BMP6: variants seen among roughly 807,000 people sequenced by gnomAD.
BMP6 encodes the protein VG-1-R.
In BMP6, 17 loss-of-function variants were observed where a neutral mutation model predicts 54.1. The ratio of observed to expected loss-of-function variants is 0.31; its 90% CI spans 0.22 to 0.47. The LOEUF (loss-of-function observed/expected upper bound fraction) is 0.47, where lower values mean the gene tolerates loss of function less well. BMP6 is among the 20% of genes least tolerant of loss of function. The pLI is 1.00. For synonymous variants in BMP6, 328 were observed against 291.2 expected (o/e 1.13, Z -1.28); for missense variants, 720 against 690.4 (o/e 1.04, Z -0.48).
intron 1 of BMP6, among the ~76,000 whole-genome samples, chr6:7,803,927 A>G (rs1170556568): frequency 6.6e-6 from 1 of 152,196 alleles, no homozygotes; most frequent in Non-Finnish European, 1.5e-5. Context: ...AGTAATCAAT[A>G]TAATTGCATT....
Position 7,727,096 on chromosome 6 carries a change from CG to C in BMP6, c.144del (p.Ser49AlafsTer81). On this transcript the variant is annotated frameshift_variant, in exon 1 of 7. Transcript: ENST00000283147. LOFTEE classifies it high-confidence loss of function. Reference protein sequence around the residue: ...AAGGQLLGDGGSPGRTEQPPP... With the variant: ...AAGGQLLGDGXSPGRTEQPPP... ...CCGGGGGGCAGCTGCTGGGGGACGG[CG>C]GGAGCCCCGGCCGCACGGAGCAGCC... 2 of 1,363,578 alleles carry C rather than the reference CG, an allele frequency of 1.5e-6. No homozygotes were observed. The highest frequency in any genetic ancestry group is 1.9e-6 in the Non-Finnish European group (2 of 1,055,492). The allele number at this position is 1,363,578 out of a possible 1,614,324, so 84.5% of individuals were successfully genotyped here.
intron 1 of BMP6, among the ~76,000 whole-genome samples, chr6:7,826,422 A>C (rs908154367): frequency 7.2e-5 from 11 of 152,210 alleles, no homozygotes; most frequent in Non-Finnish European, 1.5e-4. Context: ...GGCCTGGGGA[A>C]GTGCCTTTTG....
At chr6:7,727,769 C>G in intron 1 of BMP6, 150 bp downstream of exon 1, 4 of 999,444 alleles carry the variant, frequency 4.0e-6, no homozygotes, top group Middle Eastern at 3.1e-4. Context: ...GCTGTGCTCC[C>G]GCCACCTGCG....
chr6:7,868,581 C>T lies in BMP6; in HGVS notation c.1204+6083C>T, dbSNP rs562589783. Among the ~76,000 whole-genome samples, 17 of 152,334 alleles carry T rather than the reference C, an allele frequency of 1.1e-4. No homozygotes were observed. In the South Asian group the frequency reaches 3.5e-3, roughly 32 times the overall value. ...TTAACGACCTCTATGTGGCCCTCAC[C>T]CTTGTCATTCTAGGAGAGAAGGGAA... On this transcript the variant is annotated intron_variant, in intron 4 of 6. Transcript: ENST00000283147.
chr6:7,881,434 T>TAA lies in BMP6; in HGVS notation c.*1092_*1093insAA, dbSNP rs1391526614. 6.6e-6 allele frequency: 1 copy of TAA among 152,652 alleles called. No individual in the cohort carries two copies. Among genetic ancestry groups the TAA allele is most frequent in the Non-Finnish European group, 1.5e-5 (1 of 68,052 alleles). 9.5% of individuals were successfully genotyped at this position (152,652 alleles called of 1,614,324 possible). A position where few individuals can be genotyped will look rare whatever the true frequency, so the allele number is the denominator to read the frequency against. On this transcript the variant is annotated 3_prime_UTR_variant, in exon 7 of 7. Coordinates refer to ENST00000283147, the MANE Select transcript of BMP6 (RefSeq NM_001718.6). ...TTTATAATCTACAACTGTTTGCACT[T>TAA]ACAGCTTTTTTTGTAAATATAAACT... is the stretch of plus-strand genomic sequence containing the variant.
chr6:7,732,109 A>G (rs1761870947), intron 1 of BMP6, among the ~76,000 whole-genome samples: 1 of 152,180 alleles, frequency 6.6e-6, no homozygotes. Flanking sequence ...ATAATGCGCT[A>G]TCTCTTTCTC....
chr6:7,866,967 T>C (rs1484628000), intron 4 of BMP6, among the ~76,000 whole-genome samples: 1 of 152,056 alleles, frequency 6.6e-6, no homozygotes, highest in African/African-American at 2.4e-5. Context: ...TCCTCCCGGG[T>C]TCAAGCGATT....
chr6:7,736,910 G>A (rs772619598), intron 1 of BMP6, among the ~76,000 whole-genome samples: 1 of 152,144 alleles, frequency 6.6e-6, no homozygotes, highest in South Asian at 2.1e-4. Context: ...GAAGAGGGCC[G>A]GGCGCAGTGG....
At chr6:7,839,594 TCA>T (rs1275156442) in intron 1 of BMP6, among the ~76,000 whole-genome samples, 35 of 152,248 alleles carry the variant, frequency 2.3e-4, no homozygotes, top group Admixed American at 2.3e-3. Context: ...ACATTTCACT[TCA>T]CACAATGTCC....
chr6:7,842,665 C>G (rs1017296041), intron 1 of BMP6, among the ~76,000 whole-genome samples: 1 of 152,202 alleles, frequency 6.6e-6, no homozygotes, highest in African/African-American at 2.4e-5. Flanking sequence ...CAGAGCCACC[C>G]GAAGGGAGCA....
At chr6:7,864,342 G>T (rs1759383948) in intron 4 of BMP6, among the ~76,000 whole-genome samples, 1 of 152,212 alleles carries the variant, frequency 6.6e-6, no homozygotes, top group Admixed American at 6.5e-5. Flanking sequence ...TCATCTGTAA[G>T]ATGGGGATGA....
At chr6:7,845,378 T>A in intron 2 of BMP6, 46 bp downstream of exon 2, 1 of 1,540,764 alleles carries the variant, frequency 6.5e-7, no homozygotes, top group Non-Finnish European at 8.8e-7. Context: ...GGCCCCTGTT[T>A]CCCACCTTTT....
At chr6:7,821,736 G>A (rs994471469) in intron 1 of BMP6, among the ~76,000 whole-genome samples, 36 of 152,294 alleles carry the variant, frequency 2.4e-4, no homozygotes, top group African/African-American at 7.9e-4. Context: ...TAAAGATGCA[G>A]TAAGATCGTG....
intron 1 of BMP6, among the ~76,000 whole-genome samples, chr6:7,837,423 A>G (rs1758891828): frequency 1.3e-5 from 2 of 152,246 alleles, no homozygotes; most frequent in Non-Finnish European, 2.9e-5. Context: ...AAAAGGAGAA[A>G]CAACCATAGA....
Position 7,826,826 on chromosome 6 carries a change from C to T in BMP6, c.665-18314C>T, listed in dbSNP as rs528342428. Among the ~76,000 whole-genome samples the T allele has an allele frequency of 1.5e-4, 23 of 152,226 alleles. 1 individual carries two copies. The South Asian group carries it at 4.4e-3, about 29-fold the overall frequency. On this transcript the variant is annotated intron_variant, in intron 1 of 6. Coordinates refer to ENST00000283147, the MANE Select transcript of BMP6 (RefSeq NM_001718.6). ...ACAGTCCTGTGTGTTTGCCTATCCA[C>T]GCTGCATGGCTGATTCCTTTCTTGA...
chr6:7,873,568 C>T (rs1321617746), intron 4 of BMP6, among the ~76,000 whole-genome samples: 3 of 152,106 alleles, frequency 2.0e-5, no homozygotes, highest in East Asian at 3.9e-4. Flanking sequence ...GATTGAACTC[C>T]ATCTCCAGCC....
At chr6:7,871,997 TGGCGGCGGG>T (rs1397436343) in intron 4 of BMP6, among the ~76,000 whole-genome samples, 2 of 117,074 alleles carry the variant, frequency 1.7e-5, no homozygotes, top group East Asian at 2.7e-4. Flanking sequence ...GCTTCTGTCC[TGGCGGCGGG>T]GGTGGTGGGG....
chr6:7,796,208 TGGA>T (rs1758188883), intron 1 of BMP6, among the ~76,000 whole-genome samples: 1 of 152,128 alleles, frequency 6.6e-6, no homozygotes, highest in East Asian at 1.9e-4. Context: ...ATCTCAAAAA[TGGA>T]GGAGGCCAGT....
chr6:7,741,052 A>G (rs1397755496), intron 1 of BMP6, among the ~76,000 whole-genome samples: 2 of 151,600 alleles, frequency 1.3e-5, no homozygotes, highest in Admixed American at 6.6e-5. Context: ...TCATCTTTCC[A>G]TATGCTGTTA....
Sources: gnomAD v4.1 joint callset for allele counts (sites outside exome capture counted in the v4.1 genomes callset) on GRCh38, gnomAD v4.1.1 for gene constraint, MANE v1.5 for transcripts, NCBI Gene and HGNC (gene_info 2026-07-23, HGNC 2026-07-21) for gene names.